The following LTBP3 variants were observed in gnomAD, a reference collection of about 807,000 sequenced individuals.
LTBP3 encodes latent-transforming growth factor beta-binding protein 3.
In LTBP3, 97 loss-of-function variants were observed where a neutral mutation model predicts 159.7. That is an observed-to-expected ratio of 0.61 (90% CI 0.52 to 0.72). LTBP3 has a LOEUF of 0.72. LTBP3 is among the 30% of genes least tolerant of loss of function. The pLI, the probability that LTBP3 is intolerant of heterozygous loss-of-function variation, is 0.00. For missense variants in LTBP3, 1,584 were observed against 1,864.3 expected (o/e 0.85, Z 2.77); for synonymous variants, 824 against 777.1 (o/e 1.06, Z -1.00).
chr11:65,553,189 C>T lies in LTBP3; in HGVS notation c.1038G>A (p.Lys346=). 1 of 1,614,138 alleles carries T rather than the reference C, an allele frequency of 6.2e-7. No individual in the cohort carries two copies. The highest frequency in any genetic ancestry group is 8.5e-7 in the Non-Finnish European group (1 of 1,180,018). The change falls in exon 5 of 28, where the codon AAG becomes AAA. Residue 346 remains lysine (K), a synonymous_variant. Coordinates refer to ENST00000301873, the MANE Select transcript of LTBP3 (RefSeq NM_001130144.3). The surrounding 1 kb of genome is among the most constrained non-coding windows in gnomAD (Gnocchi z 6.5). ...CCTGGCAGTGGGTGCTGTTAAGCCT[C>T]TTGTAGCCCTGGGGACAGTCAGCGC... ...EVGADCPQGY[K]RLNSTHCQDI...
chr11:65,548,001 C>T lies in LTBP3; in HGVS notation c.1765G>A (p.Glu589Lys), dbSNP rs1379885101. 1.2e-6 allele frequency: 2 copies of T among 1,613,892 alleles called. No homozygotes were observed. The highest frequency in any genetic ancestry group is 1.1e-5 in the South Asian group (1 of 91,088). ...RLNQNICGHG[E>K]CVPGPPDYSC... is the part of the protein sequence containing the mutation. Reference sequence around the variant, plus strand: ...TAGTCAGGGGGGCCCGGCACGCACTCTCCGTGGCCACAGATGTTCTGGTTC... The same window carrying T: ...TAGTCAGGGGGGCCCGGCACGCACTTTCCGTGGCCACAGATGTTCTGGTTC... Residue 589 changes from glutamate (E) to lysine (K), a missense_variant, in exon 12 of 28, where the codon GAG (glutamate) becomes AAG (lysine). By Grantham distance (56) the Glu-to-Lys change is moderately conservative. Transcript: ENST00000301873.
At position 65,547,788 on chromosome 11, in the gene LTBP3, G is replaced by C; in HGVS notation, c.1880C>G (p.Pro627Arg). The change falls in exon 13 of 28, where the codon CCG becomes CGG. Residue 627 changes from proline (P) to arginine (R), a missense_variant. Transcript: ENST00000301873. The surrounding 1 kb of genome is among the most constrained non-coding windows in gnomAD (Gnocchi z 4.6). ...VNECEAEPCG[P>R]GRGICMNTGG... is the part of the protein sequence containing the mutation. Reference sequence around the variant, plus strand: ...GGTGTTCATGCAGATGCCCCTCCCCGGGCCACAGGGCTCTGCCTCGCACTC... The same window carrying C: ...GGTGTTCATGCAGATGCCCCTCCCCCGGCCACAGGGCTCTGCCTCGCACTC... 1 of 1,612,952 alleles carries C rather than the reference G, an allele frequency of 6.2e-7. No homozygotes were observed. Among genetic ancestry groups the C allele is most frequent in the Non-Finnish European group, 8.5e-7 (1 of 1,179,782 alleles).
In LTBP3 at chr11:65,552,618, C is replaced by T. The variant is rs915098969; in HGVS notation, c.1187-212G>A. ...CCGATTCTAGCTATCCTGGACTTCA[C>T]CACTCCTACTCATCAAGCCTATGTT... is the stretch of plus-strand genomic sequence containing the variant. On this transcript the variant is annotated intron_variant, in intron 6 of 27. Transcript: ENST00000301873. The surrounding 1 kb of genome is among the most constrained non-coding windows in gnomAD (Gnocchi z 6.0). 1.3e-5 allele frequency among the ~76,000 whole-genome samples: 2 copies of T among 152,176 alleles called. No homozygotes were observed. The highest frequency in any genetic ancestry group is 4.8e-5 in the African/African-American group (2 of 41,450).
intron 11 of LTBP3, 78 bp from the exon 12 acceptor site, chr11:65,548,123 C>T (rs1258393442): frequency 1.3e-6 from 2 of 1,599,578 alleles, no homozygotes; most frequent in Admixed American, 1.7e-5. Context: ...ACCTCAACAC[C>T]CCAGTCACAC....
intron 11 of LTBP3, among the ~76,000 whole-genome samples, chr11:65,549,257 G>A (rs1022913581): frequency 6.6e-6 from 1 of 152,158 alleles, no homozygotes; most frequent in Admixed American, 6.5e-5. Flanking sequence ...CAGTGCACTG[G>A]ACTTCCCCTG....
At position 65,539,116 on chromosome 11, in the gene LTBP3, G is replaced by A. The variant is rs886580911; in HGVS notation, c.3876C>T (p.Arg1292=). 1 of 1,473,756 alleles carries A rather than the reference G, an allele frequency of 6.8e-7. No homozygotes were observed. The highest frequency in any genetic ancestry group is 9.0e-7 in the Non-Finnish European group (1 of 1,110,130). The allele number at this position is 1,473,756 out of a possible 1,614,324, so 91.3% of individuals were successfully genotyped here. Residue 1292 remains arginine (R), a synonymous_variant, in exon 28 of 28, where the codon CGC becomes CGT. Coordinates refer to ENST00000301873, the MANE Select transcript of LTBP3 (RefSeq NM_001130144.3). Reference sequence around the variant, plus strand: ...GCTGGGGAACGCAGGCCCCGTGCGGGCGGCTGCGCGCGAAGCCGGCTTTGC... The same window carrying A: ...GCTGGGGAACGCAGGCCCCGTGCGGACGGCTGCGCGCGAAGCCGGCTTTGC... ...CVCKAGFARS[R]PHGACVPQRR...
rs769438840 is a variant in LTBP3, at chr11:65,547,995, C to T, written c.1771G>A (p.Val591Met). 4.3e-6 allele frequency: 7 copies of T among 1,613,684 alleles called. No homozygotes were observed. The highest frequency in any genetic ancestry group is 1.1e-5 in the South Asian group (1 of 91,090). Residue 591 changes from valine (V) to methionine (M), a missense_variant, in exon 12 of 28, where the codon GTG becomes ATG. Around this residue, in one of 6 missense-constraint regions of LTBP3, gnomAD observed 565 missense variants for 677.7 expected, o/e 0.83. Coordinates refer to ENST00000301873, the MANE Select transcript of LTBP3 (RefSeq NM_001130144.3). The surrounding 1 kb of genome is among the most constrained non-coding windows in gnomAD (Gnocchi z 4.6). The stretch of plus-strand genomic sequence containing the variant: ...CAGGAGTAGTCAGGGGGGCCCGGCA[C>T]GCACTCTCCGTGGCCACAGATGTTC... ...NQNICGHGEC[V>M]PGPPDYSCHC...
In LTBP3 at chr11:65,547,874, G is replaced by C; in HGVS notation, c.1846+46C>G. The C allele has an allele frequency of 6.2e-7, 1 of 1,613,146 alleles. No homozygotes were observed. The highest frequency in any genetic ancestry group is 8.5e-7 in the Non-Finnish European group (1 of 1,179,916). Reference sequence around the variant, plus strand: ...GTCAAAGGAAGCGTCGTTATCTGGGGTCCCCCCCCACCCACCTGCATGCCC... The same window carrying C: ...GTCAAAGGAAGCGTCGTTATCTGGGCTCCCCCCCCACCCACCTGCATGCCC... On this transcript the variant is annotated intron_variant, in intron 12 of 27. Transcript: ENST00000301873. This position sits in a 1 kb window ranked among gnomAD's most constrained non-coding sequence, Gnocchi z 4.6.
At position 65,558,277 on chromosome 11, in the gene LTBP3, C is replaced by G. The variant is rs1241496447; in HGVS notation, c.-318G>C. The G allele has an allele frequency of 6.4e-6, 6 of 933,668 alleles. No homozygotes were observed. The highest frequency in any genetic ancestry group is 5.0e-4 in the Middle Eastern group (1 of 2,016). 57.8% of individuals were successfully genotyped at this position (933,668 alleles called of 1,614,324 possible). ...GGAGAGGAAGGCCGGGCGGCCGGCC[C>G]GCTCCGCGCCTCCCCCTGGCCGGGC... On this transcript the variant is annotated 5_prime_UTR_variant, in exon 1 of 28. Transcript: ENST00000301873.
At position 65,541,270 on chromosome 11, in the gene LTBP3, T is replaced by C; in HGVS notation, c.2749A>G (p.Lys917Glu). The change falls in exon 20 of 28, where the codon AAG becomes GAG. Residue 917 changes from lysine (K) to glutamate (E), a missense_variant. Physicochemically the swap from Lys to Glu is moderately conservative, Grantham distance 56. This residue lies in a region of LTBP3 where 565 missense variants were observed against 677.7 expected (regional missense o/e 0.83). Transcript: ENST00000301873. ...CEEVEQPHHK[K>E]ECYLNFDDTV... ...TCATCGAAGTTCAGGTAGCACTCCT[T>C]CTTGTGGTGGGGCTGCTCCACCTCT... 1 of 1,612,070 alleles carries C rather than the reference T, an allele frequency of 6.2e-7. No homozygotes were observed. Among genetic ancestry groups the C allele is most frequent in the Non-Finnish European group, 8.5e-7 (1 of 1,179,492 alleles).
Position 65,551,193 on chromosome 11 carries a change from C to T in LTBP3, c.1653G>A (p.Met551Ile), listed in dbSNP as rs1856598465. ...ELISRPSPPT[M>I]RWFLPDLPPS... ...GAGGCAAGTCCGGCAGGAACCAGCG[C>T]ATGGTCGGGGGCGAGGGACGGGAGA... The change falls in exon 11 of 28, where the codon ATG (methionine) becomes ATA (isoleucine). Residue 551 changes from methionine (M) to isoleucine (I), a missense_variant. Around this residue, in one of 6 missense-constraint regions of LTBP3, gnomAD observed 565 missense variants for 677.7 expected, o/e 0.83. Coordinates refer to ENST00000301873, the MANE Select transcript of LTBP3 (RefSeq NM_001130144.3). The T allele has an allele frequency of 6.4e-7, 1 of 1,551,022 alleles. No individual in the cohort carries two copies. Among genetic ancestry groups the T allele is most frequent in the Non-Finnish European group, 8.7e-7 (1 of 1,148,062 alleles).
rs2135140281 is a variant in LTBP3 at position 65,546,963 on chromosome 11, G to C, written c.2108-43C>G. The C allele has an allele frequency of 6.2e-7, 1 of 1,605,122 alleles. No homozygotes were observed. The highest frequency in any genetic ancestry group is 1.1e-5 in the South Asian group (1 of 91,086). On this transcript the variant is annotated intron_variant, in intron 14 of 27. Transcript: ENST00000301873. The surrounding 1 kb of genome is among the most constrained non-coding windows in gnomAD (Gnocchi z 4.0). ...GGAAGAGGACCCATCTGGGGACAAC[G>C]CGGGTGGCCCGGCTCCCAGCGTCCA...
At position 65,546,255 on chromosome 11, in the gene LTBP3, G is replaced by A; in HGVS notation, c.2353+187C>T. 1.4e-6 allele frequency: 1 copy of A among 710,164 alleles called. No individual in the cohort carries two copies. The highest frequency in any genetic ancestry group is 2.2e-6 in the Non-Finnish European group (1 of 448,538). 44.0% of individuals were successfully genotyped at this position (710,164 alleles called of 1,614,324 possible). A position where few individuals can be genotyped will look rare whatever the true frequency, so the allele number is the denominator to read the frequency against. ...AACGCAGCTTCGAGCTCTACCCCGA[G>A]ACCCTTCCTACGTGGAAATTCTAGT... is the stretch of plus-strand genomic sequence containing the variant. On this transcript the variant is annotated intron_variant, in intron 16 of 27. Transcript: ENST00000301873. The surrounding 1 kb of genome is among the most constrained non-coding windows in gnomAD (Gnocchi z 4.0).
chr11:65,553,608 T>C lies in LTBP3; in HGVS notation c.865-78A>G. On this transcript the variant is annotated intron_variant, in intron 3 of 27. Coordinates refer to ENST00000301873, the MANE Select transcript of LTBP3 (RefSeq NM_001130144.3). The surrounding 1 kb of genome is among the most constrained non-coding windows in gnomAD (Gnocchi z 6.5). Reference sequence around the variant, plus strand: ...CTGTTAGGGTTGGGCCTTTTCCTCTTCCCCCGCCCCTCAGTTTTCTGCTAT... The same window carrying C: ...CTGTTAGGGTTGGGCCTTTTCCTCTCCCCCCGCCCCTCAGTTTTCTGCTAT... The C allele has an allele frequency of 6.6e-7, 1 of 1,509,586 alleles. No homozygotes were observed. Among genetic ancestry groups the C allele is most frequent in the Non-Finnish European group, 9.0e-7 (1 of 1,108,496 alleles). The allele number at this position is 1,509,586 out of a possible 1,614,324, so 93.5% of individuals were successfully genotyped here.
chr11:65,539,303 C>T (rs1417848319), intron 27 of LTBP3, 25 bp downstream of exon 27: 1 of 1,507,500 alleles, frequency 6.6e-7, no homozygotes. Context: ...CCCGCCCCTG[C>T]CCCCACCCCC....
chr11:65,543,029 A>G (rs980047764), intron 18 of LTBP3, 76 bp downstream of exon 18: 1 of 1,593,876 alleles, frequency 6.3e-7, no homozygotes, highest in Non-Finnish European at 8.5e-7. Flanking sequence ...GGATGGATGG[A>G]GAAAGGCCAC....
At position 65,553,459 on chromosome 11, in the gene LTBP3, GC is replaced by G; in HGVS notation, c.935del (p.Gly312AlafsTer76). The part of the protein sequence containing the change: ...DCCGSIGTAW[G>X]QSKCHKCPQL... ...GGGGACACTTGTGGCACTTGCTCTG[GC>G]CCCAGGCAGTGCCGATGCTACCGCA... is the stretch of plus-strand genomic sequence containing the variant. On this transcript the variant is annotated frameshift_variant, in exon 4 of 28. Transcript: ENST00000301873. LOFTEE classifies it high-confidence loss of function. This position sits in a 1 kb window ranked among gnomAD's most constrained non-coding sequence, Gnocchi z 6.5. 1 of 1,612,512 alleles carries G rather than the reference GC, an allele frequency of 6.2e-7. No individual in the cohort carries two copies. The highest frequency in any genetic ancestry group is 2.2e-5 in the East Asian group (1 of 44,884).
chr11:65,553,344 G>T lies in LTBP3; in HGVS notation c.970+81C>A. ...ATGTAGAGAGGAATCTGGTGACCTG[G>T]GGACTCCCACTGCAGGGATGGGTGG... On this transcript the variant is annotated intron_variant, in intron 4 of 27. Transcript: ENST00000301873. This position sits in a 1 kb window ranked among gnomAD's most constrained non-coding sequence, Gnocchi z 6.5. The T allele has an allele frequency of 9.8e-7, 1 of 1,019,218 alleles. No homozygotes were observed. Among genetic ancestry groups the T allele is most frequent in the East Asian group, 3.3e-5 (1 of 30,172 alleles). The allele number at this position is 1,019,218 out of a possible 1,614,324, so 63.1% of individuals were successfully genotyped here.
Position 65,546,044 on chromosome 11 carries a change from G to A in LTBP3, c.2353+398C>T, listed in dbSNP as rs1159438715. ...CATCCCGCTGTGTCTCCAGGAAGCA[G>A]CCCAGCTCCATCCAGGCCCAGCACT... On this transcript the variant is annotated intron_variant, in intron 16 of 27. Coordinates refer to ENST00000301873, the MANE Select transcript of LTBP3 (RefSeq NM_001130144.3). This position sits in a 1 kb window ranked among gnomAD's most constrained non-coding sequence, Gnocchi z 4.0. Among the ~76,000 whole-genome samples, 1 of 152,126 alleles carries A rather than the reference G, an allele frequency of 6.6e-6. No homozygotes were observed. The highest frequency in any genetic ancestry group is 1.5e-5 in the Non-Finnish European group (1 of 68,018).
Sources: gnomAD v4.1 joint callset for allele counts (sites outside exome capture counted in the v4.1 genomes callset) on GRCh38, gnomAD v4.1.1 for gene constraint, gnomAD v4.1.1 regional missense constraint, Gnocchi (gnomAD v3.1) non-coding constraint, MANE v1.5 for transcripts, NCBI Gene and HGNC (gene_info 2026-07-23, HGNC 2026-07-21) for gene names.